The following HSPG2 variants were observed in gnomAD, a reference collection of about 807,000 sequenced individuals.
HSPG2 encodes basement membrane-specific heparan sulfate proteoglycan core protein.
A neutral mutation model predicts 526.6 loss-of-function variants in HSPG2; 278 were observed. The ratio of observed to expected loss-of-function variants is 0.53; its 90% CI spans 0.48 to 0.58. HSPG2 has a LOEUF of 0.58. Among genes scored for constraint, HSPG2 ranks in the 20% least tolerant of loss-of-function variants. HSPG2 has a pLI of 0.00. For synonymous variants in HSPG2, 2,465 were observed against 2,555.4 expected (o/e 0.96, Z 1.07); for missense variants, 5,354 against 6,099.5 (o/e 0.88, Z 4.07).
Position 21,848,187 on chromosome 1 carries a change from C to CAGCGG in HSPG2, c.7738-95_7738-94insCCGCT. The CAGCGG allele has an allele frequency of 7.0e-7, 1 of 1,430,442 alleles. No homozygotes were observed. The highest frequency in any genetic ancestry group is 9.5e-7 in the Non-Finnish European group (1 of 1,050,400). 88.6% of individuals were successfully genotyped at this position (1,430,442 alleles called of 1,614,324 possible). ...TGCCGCTGCCCCTGGACTCTGGGGG[C>CAGCGG]CTCCCTGCCTTGCCTCCTCAGTGGC... On this transcript the variant is annotated intron_variant, in intron 59 of 96. Transcript: ENST00000374695. The surrounding 1 kb of genome is among the most constrained non-coding windows in gnomAD (Gnocchi z 4.9).
In HSPG2 at chr1:21,872,429, TG is replaced by T. The variant is rs375566630; in HGVS notation, c.4030-53del. ...CAGCCTGAGCACCGGGGTGCCTTGG[TG>T]GGGGATGGGGCACGGGAGGGTGTTA... is the stretch of plus-strand genomic sequence containing the variant. On this transcript the variant is annotated intron_variant, in intron 32 of 96. Coordinates refer to ENST00000374695, the MANE Select transcript of HSPG2 (RefSeq NM_005529.7). The surrounding 1 kb of genome is among the most constrained non-coding windows in gnomAD (Gnocchi z 5.5). The T allele has an allele frequency of 7.4e-6, 11 of 1,494,534 alleles. No homozygotes were observed. The African/African-American group carries it at 1.5e-4, about 21-fold the overall frequency. 92.6% of individuals were successfully genotyped at this position (1,494,534 alleles called of 1,614,324 possible).
chr1:21,834,966 G>C (rs1203851246), intron 76 of HSPG2, 21 bp from the exon 77 acceptor site: 5 of 1,608,342 alleles, frequency 3.1e-6, no homozygotes, highest in Non-Finnish European at 4.2e-6. Flanking sequence ...GGGAGGCAGA[G>C]GTCCAGTGAG....
chr1:21,937,193 G>A lies in HSPG2; in HGVS notation c.25C>T (p.Leu9=), dbSNP rs1350284481. The change falls in exon 1 of 97, where the codon CTG becomes TTG. Residue 9 remains leucine, a synonymous_variant. Coordinates refer to ENST00000374695, the MANE Select transcript of HSPG2 (RefSeq NM_005529.7). ...CCGTGCAGCAGCAGCGCCAGCAGCA[G>A]CGCGCCCGCCGCCCGCCACCCCATG... MGWRAAGA[L]LLALLLHGRL... 1 of 1,087,308 alleles carries A rather than the reference G, an allele frequency of 9.2e-7. No homozygotes were observed. The highest frequency in any genetic ancestry group is 1.7e-5 in the African/African-American group (1 of 57,906). 67.4% of individuals were successfully genotyped at this position (1,087,308 alleles called of 1,614,324 possible).
chr1:21,865,350 G>A lies in HSPG2; in HGVS notation c.4330C>T (p.Leu1444=). 2 of 1,614,098 alleles carry A rather than the reference G, an allele frequency of 1.2e-6. No homozygotes were observed. The highest frequency in any genetic ancestry group is 1.7e-6 in the Non-Finnish European group (2 of 1,180,006). The change falls in exon 35 of 97, where the codon CTA becomes TTA. Residue 1444 remains leucine (L), a synonymous_variant. Transcript: ENST00000374695. This position sits in a 1 kb window ranked among gnomAD's most constrained non-coding sequence, Gnocchi z 5.4. ...DVQITGNNIM[L]VASQPALQGP... ...TGCAGCGCTGGCTGGGAGGCCACTA[G>A]CATGATGTTGTTGCCCTGGAAAGAC...
chr1:21,857,439 G>A, intron 42 of HSPG2, 54 bp from the exon 43 acceptor site: 1 of 1,506,174 alleles, frequency 6.6e-7, no homozygotes. Flanking sequence ...CCCCGGTCCT[G>A]TGGCCACTTT....
In HSPG2 at chr1:21,837,009, G is replaced by T. The variant is rs950420047; in HGVS notation, c.10151-3C>A. 2.6e-6 allele frequency: 4 copies of T among 1,547,328 alleles called. No homozygotes were observed. Among genetic ancestry groups the T allele is most frequent in the Non-Finnish European group, 2.6e-6 (3 of 1,147,390 alleles). On this transcript the variant is annotated splice_polypyrimidine_tract_variant and splice_region_variant and intron_variant, in intron 74 of 96. Coordinates refer to ENST00000374695, the MANE Select transcript of HSPG2 (RefSeq NM_005529.7). ...GGCAGGGAGAGAGCCGGGAGGGCCTGCGGGGACATGTATGAGGTTCTGCAG... is the reference window on the plus strand; with the variant it reads ...GGCAGGGAGAGAGCCGGGAGGGCCTTCGGGGACATGTATGAGGTTCTGCAG...
At position 21,876,707 on chromosome 1, in the gene HSPG2, C is replaced by G. The variant is rs533063781; in HGVS notation, c.2686-55G>C. 13 of 1,611,284 alleles carry G rather than the reference C, an allele frequency of 8.1e-6. No individual in the cohort carries two copies. The African/African-American group carries it at 1.7e-4, about 21-fold the overall frequency. ...AGCCCATGGGAGAGGCTGCCTGGAG[C>G]TCTGGCCGAATCCACCCTCAGTCCA... On this transcript the variant is annotated intron_variant, in intron 21 of 96. Transcript: ENST00000374695.
chr1:21,836,981 G>A lies in HSPG2; in HGVS notation c.10176C>T (p.Thr3392=), dbSNP rs1461364880. Residue 3392 remains threonine (T), a synonymous_variant, in exon 75 of 97, where the codon ACC becomes ACT. Transcript: ENST00000374695. ...VQGPPGSLPA[T]SIPAGSTPTV... is the part of the protein sequence containing the mutation. The stretch of plus-strand genomic sequence containing the variant: ...TGGGCGTGGACCCTGCTGGGATGGA[G>A]GTGGCAGGGAGAGAGCCGGGAGGGC... The A allele has an allele frequency of 6.4e-7, 1 of 1,553,346 alleles. No homozygotes were observed. Among genetic ancestry groups the A allele is most frequent in the African/African-American group, 1.4e-5 (1 of 73,298 alleles).
Position 21,828,978 on chromosome 1 carries a change from C to G in HSPG2, c.12094G>C (p.Gly4032Arg). The change falls in exon 88 of 97, where the codon GGA (glycine) becomes CGA (arginine). Residue 4032 changes from glycine (G) to arginine (R), a missense_variant. Coordinates refer to ENST00000374695, the MANE Select transcript of HSPG2 (RefSeq NM_005529.7). This position sits in a 1 kb window ranked among gnomAD's most constrained non-coding sequence, Gnocchi z 6.0. ...NKDGSLRVNGGRPVLRSSPGK... is the reference protein window; with the variant it reads ...NKDGSLRVNGRRPVLRSSPGK... ...GGCGAGGAGCGCAGCACAGGGCGTC[C>G]ACCATTCACCCGCAGGCTGCCGTCC... is the stretch of plus-strand genomic sequence containing the variant. The G allele has an allele frequency of 6.3e-7, 1 of 1,575,714 alleles. No individual in the cohort carries two copies. Among genetic ancestry groups the G allele is most frequent in the East Asian group, 2.3e-5 (1 of 42,822 alleles).
rs1200105164 is a variant in HSPG2, at chr1:21,893,634, C to T, written c.244+2288G>A. ...GGCTCCGAGACCATCATGCCAGCCA[C>T]GGGCGGGCGGCCCAGGGGCTGCCCT... On this transcript the variant is annotated intron_variant, in intron 3 of 96. Coordinates refer to ENST00000374695, the MANE Select transcript of HSPG2 (RefSeq NM_005529.7). This position sits in a 1 kb window ranked among gnomAD's most constrained non-coding sequence, Gnocchi z 4.3. 6.6e-6 allele frequency among the ~76,000 whole-genome samples: 1 copy of T among 151,922 alleles called. No individual in the cohort carries two copies. The highest frequency in any genetic ancestry group is 2.4e-5 in the African/African-American group (1 of 41,370).
chr1:21,836,055 G>A (rs1457904302), intron 75 of HSPG2, among the ~76,000 whole-genome samples: 5 of 151,676 alleles, frequency 3.3e-5, no homozygotes, highest in Non-Finnish European at 7.4e-5. Context: ...ACAGCACGCA[G>A]TGTTGCATTC....
Position 21,847,531 on chromosome 1 carries a change from G to A in HSPG2, c.8026-39C>T. On this transcript the variant is annotated intron_variant, in intron 61 of 96. Transcript: ENST00000374695. This position sits in a 1 kb window ranked among gnomAD's most constrained non-coding sequence, Gnocchi z 4.1. ...TGGGGAAGGAGAGGGAGAGGGAGTG[G>A]AGGGACGCTGGGGTCACCAGCTGGC... is the stretch of plus-strand genomic sequence containing the variant. 1 of 1,613,058 alleles carries A rather than the reference G, an allele frequency of 6.2e-7. No individual in the cohort carries two copies. The highest frequency in any genetic ancestry group is 8.5e-7 in the Non-Finnish European group (1 of 1,179,746).
chr1:21,925,505 C>T (rs1177713241), intron 1 of HSPG2, among the ~76,000 whole-genome samples: 1 of 152,234 alleles, frequency 6.6e-6, no homozygotes, highest in Non-Finnish European at 1.5e-5. Context: ...CCACAGGGAG[C>T]TTGGGACCTG....
At chr1:21,830,175 A>C (rs2152691161) in intron 85 of HSPG2, 84 bp from the exon 86 acceptor site, 1 of 1,104,586 alleles carries the variant, frequency 9.1e-7, no homozygotes, top group Non-Finnish European at 1.3e-6. Flanking sequence ...TGCCCATCAC[A>C]CCCCGGGGGG....
intron 64 of HSPG2, among the ~76,000 whole-genome samples, chr1:21,845,160 C>T (rs574810958): frequency 2.0e-5 from 3 of 152,242 alleles, no homozygotes; most frequent in East Asian, 3.9e-4. Context: ...GCAGGAGAAT[C>T]GCTTGAACCC....
intron 49 of HSPG2, 76 bp downstream of exon 49, chr1:21,854,535 G>C: frequency 6.7e-7 from 1 of 1,487,516 alleles, no homozygotes; most frequent in South Asian, 1.3e-5. Context: ...CGCCTCCCCC[G>C]CCCAGCGTAC....
At chr1:21,920,786 G>A (rs140582324) in intron 1 of HSPG2, among the ~76,000 whole-genome samples, 34 of 152,214 alleles carry the variant, frequency 2.2e-4, no homozygotes, top group African/African-American at 7.0e-4. Flanking sequence ...CCTGGACTTC[G>A]CCAGCAGCAG....
At chr1:21,841,867 G>T in intron 69 of HSPG2, 135 bp downstream of exon 69, 1 of 1,363,746 alleles carries the variant, frequency 7.3e-7, no homozygotes, top group Non-Finnish European at 1.0e-6. Context: ...GCCATACAGA[G>T]ACGGGAAGGG....
At position 21,854,978 on chromosome 1, in the gene HSPG2, C is replaced by A. The variant is rs771093245; in HGVS notation, c.6003G>T (p.Arg2001=). 6.2e-7 allele frequency: 1 copy of A among 1,612,674 alleles called. No homozygotes were observed. Among genetic ancestry groups the A allele is most frequent in the Non-Finnish European group, 8.5e-7 (1 of 1,180,026 alleles). Residue 2001 remains arginine (R), a synonymous_variant, in exon 48 of 97, where the codon CGG becomes CGT. Transcript: ENST00000374695. The part of the protein sequence containing the change: ...KEGGSLPPQA[R]SERTDIATLL... ...GTGTCGCGATGTCTGTGCGCTCTGACCGGGCCTGCCGTGGGTGAGATGGGT... is the reference window on the plus strand; with the variant it reads ...GTGTCGCGATGTCTGTGCGCTCTGAACGGGCCTGCCGTGGGTGAGATGGGT...
Sources: allele counts gnomAD v4.1 joint callset (sites outside exome capture counted in the v4.1 genomes callset), GRCh38; gene constraint gnomAD v4.1.1; non-coding constraint Gnocchi (gnomAD v3.1); transcripts MANE v1.5; gene names NCBI Gene and HGNC (gene_info 2026-07-23, HGNC 2026-07-21).